SLC35F1: variants seen among roughly 807,000 people sequenced by gnomAD.
SLC35F1 encodes the protein chromosome 6 open reading frame 169.
A neutral mutation model predicts 48.7 loss-of-function variants in SLC35F1; 14 were observed. That is an observed-to-expected ratio of 0.29 (90% confidence interval 0.19 to 0.45). SLC35F1 has a LOEUF of 0.45. SLC35F1 is among the 20% of genes least tolerant of loss of function. SLC35F1 has a pLI of 1.00. For missense variants in SLC35F1, 404 were observed against 500.0 expected (o/e 0.81, Z 1.83); for synonymous variants, 190 against 202.2 (o/e 0.94, Z 0.51).
At chr6:117,943,221 G>A (rs112048682) in intron 1 of SLC35F1, among the ~76,000 whole-genome samples, 1 of 152,264 alleles carries the variant, frequency 6.6e-6, no homozygotes, top group African/African-American at 2.4e-5. Flanking sequence ...CATTACTGCT[G>A]ATTGACCAGA....
intron 1 of SLC35F1, among the ~76,000 whole-genome samples, chr6:118,085,406 A>G (rs568433831): frequency 9.2e-5 from 14 of 151,850 alleles, no homozygotes; most frequent in Admixed American, 3.9e-4. Flanking sequence ...CCTTTGCGCA[A>G]AGCCTATGTC....
At chr6:118,289,658 T>C (rs1342374948) in intron 7 of SLC35F1, among the ~76,000 whole-genome samples, 1 of 152,200 alleles carries the variant, frequency 6.6e-6, no homozygotes, top group African/African-American at 2.4e-5. Context: ...TTCCATATCA[T>C]TTAATGTCTC....
At chr6:118,178,868 C>T (rs567014207) in intron 2 of SLC35F1, among the ~76,000 whole-genome samples, 55 of 152,180 alleles carry the variant, frequency 3.6e-4, no homozygotes, top group African/African-American at 1.3e-3. Flanking sequence ...TAGATAATAG[C>T]AAAATAGTTT....
intron 7 of SLC35F1, among the ~76,000 whole-genome samples, chr6:118,286,585 C>G (rs182151724): frequency 6.6e-6 from 1 of 152,084 alleles, no homozygotes; most frequent in African/African-American, 2.4e-5. Flanking sequence ...GAGAAAGTGG[C>G]TGTGACAGCA....
chr6:118,242,033 A>G (rs1775447626), intron 3 of SLC35F1, among the ~76,000 whole-genome samples: 1 of 152,208 alleles, frequency 6.6e-6, no homozygotes, highest in Non-Finnish European at 1.5e-5. Context: ...TGCTGTGAAC[A>G]TTCATGTGCA....
At chr6:118,197,022 C>CAAAA (rs59183480) in intron 2 of SLC35F1, among the ~76,000 whole-genome samples, 1 of 127,704 alleles carries the variant, frequency 7.8e-6, no homozygotes, top group Non-Finnish European at 1.7e-5. Context: ...CTTGCCACAC[C>CAAAA]AAAAAAAAAA....
At chr6:117,914,085 CCTATCTAT>C (rs60175681) in intron 1 of SLC35F1, among the ~76,000 whole-genome samples, 12,246 of 145,174 alleles carry the variant, frequency 0.084, 507 homozygotes, top group South Asian at 0.098. Context: ...ACAAAAGAAT[CCTATCTAT>C]CTATCTATCT....
intron 2 of SLC35F1, among the ~76,000 whole-genome samples, chr6:118,165,952 C>A (rs1211642495): frequency 6.6e-6 from 1 of 152,108 alleles, no homozygotes; most frequent in African/African-American, 2.4e-5. Context: ...ACAACACATC[C>A]CTGTTAAGGC....
chr6:118,119,362 T>C (rs1427982152), intron 1 of SLC35F1, among the ~76,000 whole-genome samples: 1 of 152,170 alleles, frequency 6.6e-6, no homozygotes, highest in Non-Finnish European at 1.5e-5. Flanking sequence ...TGCTGTTTAT[T>C]CAGCACCATT....
chr6:118,227,597 A>C (rs1484299440), intron 2 of SLC35F1, among the ~76,000 whole-genome samples: 1 of 152,204 alleles, frequency 6.6e-6, no homozygotes, highest in Non-Finnish European at 1.5e-5. Context: ...ATTTGCTTTT[A>C]GATATTTTTC....
chr6:118,204,389 C>A (rs536847141), intron 2 of SLC35F1, among the ~76,000 whole-genome samples: 324 of 152,222 alleles, frequency 2.1e-3, no homozygotes, highest in Admixed American at 3.8e-3. Flanking sequence ...CAATGGGAAG[C>A]CTTGGACACT....
intron 1 of SLC35F1, among the ~76,000 whole-genome samples, chr6:118,151,848 C>T (rs1227658850): frequency 6.6e-6 from 1 of 152,068 alleles, no homozygotes; most frequent in Non-Finnish European, 1.5e-5. Context: ...TCTGGTACTC[C>T]TTTTTACCTC....
At chr6:117,938,518 C>T (rs974326976) in intron 1 of SLC35F1, among the ~76,000 whole-genome samples, 3 of 152,222 alleles carry the variant, frequency 2.0e-5, no homozygotes, top group Non-Finnish European at 2.9e-5. Context: ...GCTCACTGCC[C>T]CCAGCCCACC....
intron 1 of SLC35F1, among the ~76,000 whole-genome samples, chr6:118,098,597 T>C (rs1034607051): frequency 6.6e-6 from 1 of 152,142 alleles, no homozygotes; most frequent in Non-Finnish European, 1.5e-5. Flanking sequence ...GTCTTATGTC[T>C]TTTTTTATAA....
intron 1 of SLC35F1, among the ~76,000 whole-genome samples, chr6:118,040,108 T>C (rs1346516185): frequency 6.6e-6 from 1 of 152,186 alleles, no homozygotes; most frequent in Non-Finnish European, 1.5e-5. Context: ...TGTGGTCTTA[T>C]ACAGAATTAA....
intron 2 of SLC35F1, among the ~76,000 whole-genome samples, chr6:118,165,681 G>A (rs1031321766): frequency 1.3e-5 from 2 of 152,128 alleles, no homozygotes; most frequent in African/African-American, 4.8e-5. Context: ...ATTTCCATTT[G>A]GCCTGCTGAC....
At chr6:118,068,803 C>T (rs572137495) in intron 1 of SLC35F1, among the ~76,000 whole-genome samples, 1 of 152,252 alleles carries the variant, frequency 6.6e-6, no homozygotes, top group South Asian at 2.1e-4. Context: ...GTGTTGATTG[C>T]AGACATCACT....
At chr6:118,061,960 C>T (rs1296374795) in intron 1 of SLC35F1, among the ~76,000 whole-genome samples, 1 of 152,082 alleles carries the variant, frequency 6.6e-6, no homozygotes, top group East Asian at 1.9e-4. Flanking sequence ...CCTAACAGGC[C>T]ACGGACTGGT....
intron 1 of SLC35F1, among the ~76,000 whole-genome samples, chr6:117,908,719 G>GA (rs1481557157): frequency 3.3e-5 from 5 of 152,242 alleles, no homozygotes; most frequent in African/African-American, 1.2e-4. Context: ...ACTGTGATGT[G>GA]AAAGGGACTT....
Sources: allele counts gnomAD v4.1 joint callset (sites outside exome capture counted in the v4.1 genomes callset), GRCh38; gene constraint gnomAD v4.1.1; transcripts MANE v1.5; gene names NCBI Gene and HGNC (gene_info 2026-07-23, HGNC 2026-07-21).